Variants in CFAP299 observed in about 807,000 individuals in gnomAD.
The protein encoded by CFAP299 is cilia and flagella associated protein 299.
CFAP299 carries 21 observed loss-of-function variants against 27.0 expected under a neutral mutation model. The observed-to-expected ratio is 0.78, with a 90% CI of 0.55 to 1.12. CFAP299 has a LOEUF of 1.12. CFAP299 is among the 50% of genes most tolerant of loss of function. The pLI, the probability that CFAP299 is intolerant of heterozygous loss-of-function variation, is 0.00. For missense variants in CFAP299, 310 were observed against 276.6 expected, an observed-to-expected ratio of 1.12 and a Z score of -0.86; for synonymous variants, 104 against 98.1, an observed-to-expected ratio of 1.06 and a Z score of -0.36.
At chr4:80,924,432 T>G (rs1284403186) in intron 4 of CFAP299, among the ~76,000 whole-genome samples, 1 of 151,502 alleles carries the variant, frequency 6.6e-6, no homozygotes, top group Admixed American at 6.6e-5. Context: ...TTTGGCCTCC[T>G]GATTATTTAC....
chr4:80,951,099 A>G (rs1737752898), intron 5 of CFAP299, among the ~76,000 whole-genome samples: 1 of 152,198 alleles, frequency 6.6e-6, no homozygotes, highest in Admixed American at 6.5e-5. Flanking sequence ...AATCAATTAT[A>G]TTAAAAATAT....
intron 2 of CFAP299, among the ~76,000 whole-genome samples, chr4:80,363,813 G>A (rs1260165344): frequency 6.6e-6 from 1 of 151,992 alleles, no homozygotes; most frequent in East Asian, 1.9e-4. Context: ...TTCTGGCCAG[G>A]CGTGGTGGCT....
At chr4:80,631,859 G>GTCT (rs34615962) in intron 3 of CFAP299, among the ~76,000 whole-genome samples, 1 of 21,470 alleles carries the variant, frequency 4.7e-5, no homozygotes. Flanking sequence ...GAATATTTGT[G>GTCT]CCCCACCCCC....
intron 3 of CFAP299, among the ~76,000 whole-genome samples, chr4:80,688,115 G>A (rs1720351362): frequency 6.6e-6 from 1 of 152,252 alleles, no homozygotes. Context: ...GCTGGGGGAG[G>A]GGCGCCCGCC....
At chr4:80,368,057 T>A (rs2110005394) in intron 2 of CFAP299, among the ~76,000 whole-genome samples, 1 of 152,288 alleles carries the variant, frequency 6.6e-6, no homozygotes, top group East Asian at 1.9e-4. Context: ...GGGAAATGAA[T>A]TCACCCCTCT....
intron 2 of CFAP299, among the ~76,000 whole-genome samples, chr4:80,581,081 T>C (rs1360342201): frequency 1.3e-5 from 2 of 151,860 alleles, no homozygotes; most frequent in South Asian, 4.1e-4. Context: ...TGTTGATTTA[T>C]GTACTTGTAA....
intron 2 of CFAP299, among the ~76,000 whole-genome samples, chr4:80,373,463 C>G (rs932122920): frequency 3.9e-5 from 6 of 152,084 alleles, no homozygotes; most frequent in Non-Finnish European, 8.8e-5. Context: ...TCAACAAGTT[C>G]TTGGTCTAAA....
chr4:80,646,986 AGAGTGT>A (rs923581350), intron 3 of CFAP299, among the ~76,000 whole-genome samples: 17 of 49,124 alleles, frequency 3.5e-4, no homozygotes, highest in South Asian at 1.0e-3. Context: ...AGAGAGAGAG[AGAGTGT>A]GTGTGTGTGT....
At chr4:80,469,581 G>A (rs1400904041) in intron 2 of CFAP299, among the ~76,000 whole-genome samples, 2 of 152,060 alleles carry the variant, frequency 1.3e-5, no homozygotes, top group Non-Finnish European at 1.5e-5. Flanking sequence ...TGCCAGGTTG[G>A]GATACTAGCA....
At chr4:80,627,278 T>A (rs1738960552) in intron 3 of CFAP299, among the ~76,000 whole-genome samples, 1 of 151,892 alleles carries the variant, frequency 6.6e-6, no homozygotes, top group Non-Finnish European at 1.5e-5. Context: ...CAAAAAAATT[T>A]GGAAAAATTT....
At chr4:80,583,218 A>G in intron 3 of CFAP299, 35 bp downstream of exon 3, 1 of 1,230,320 alleles carries the variant, frequency 8.1e-7, no homozygotes, top group Non-Finnish European at 1.2e-6. Context: ...TAAAATGTAT[A>G]CACTAAATGC....
Position 80,645,422 on chromosome 4 carries a change from T to TA in CFAP299, c.333+62245dup, listed in dbSNP as rs938624001. Among the ~76,000 whole-genome samples the TA allele has an allele frequency of 3.3e-5, 5 of 152,180 alleles. No individual in the cohort carries two copies. In the South Asian group the frequency reaches 6.2e-4, roughly 19 times the overall value. ...CTACCTCTTGAGGATGCTGGGAGGA[T>TA]AAAAAAGTATCTGTTAATACTCTAC... is the stretch of plus-strand genomic sequence containing the variant. On this transcript the variant is annotated intron_variant, in intron 3 of 5. Coordinates refer to ENST00000358105, the MANE Select transcript of CFAP299 (RefSeq NM_152770.3).
At chr4:80,459,725 C>A (rs1418856792) in intron 2 of CFAP299, among the ~76,000 whole-genome samples, 1 of 152,150 alleles carries the variant, frequency 6.6e-6, no homozygotes, top group Non-Finnish European at 1.5e-5. Flanking sequence ...CACAACCAGA[C>A]ATCTGGAAAT....
chr4:80,728,302 T>C (rs1481097696), intron 3 of CFAP299, among the ~76,000 whole-genome samples: 2 of 152,152 alleles, frequency 1.3e-5, no homozygotes, highest in African/African-American at 2.4e-5. Context: ...GGTTTAACAC[T>C]TCTCATATTT....
intron 3 of CFAP299, among the ~76,000 whole-genome samples, chr4:80,614,349 C>T (rs1270907208): frequency 1.3e-5 from 2 of 152,118 alleles, no homozygotes; most frequent in African/African-American, 4.8e-5. Context: ...ACCTTGATCC[C>T]CATAGCTGTA....
intron 2 of CFAP299, chr4:80,388,056 T>A: frequency 1.5e-6 from 1 of 689,644 alleles, no homozygotes; most frequent in East Asian, 2.5e-5. Flanking sequence ...ATCTCCACCA[T>A]TCCACTCCCA....
intron 2 of CFAP299, chr4:80,386,905 T>C (rs1725040663): frequency 1.2e-6 from 1 of 844,004 alleles, no homozygotes; most frequent in Non-Finnish European, 2.1e-6. Context: ...TTGTAGGGCT[T>C]CTCGCCTGAG....
At chr4:80,448,250 A>C (rs1388865840) in intron 2 of CFAP299, among the ~76,000 whole-genome samples, 2 of 152,202 alleles carry the variant, frequency 1.3e-5, no homozygotes, top group African/African-American at 2.4e-5. Context: ...AAATGTCAGA[A>C]AATCTTAGGA....
chr4:80,535,355 CGT>C lies in CFAP299; in HGVS notation c.243-47737_243-47736del. Among the ~76,000 whole-genome samples, 2 of 72,236 alleles carry C rather than the reference CGT, an allele frequency of 2.8e-5. 1 individual carries two copies. Among genetic ancestry groups the C allele is most frequent in the South Asian group, 1.1e-3 (2 of 1,766 alleles). The allele number at this position is 72,236 out of a possible 152,430, so 47.4% of individuals were successfully genotyped here. On this transcript the variant is annotated intron_variant, in intron 2 of 5. Transcript: ENST00000358105. ...AACTGAAGAGCTTCAATTAGCCGGG[CGT>C]AGTGGCGGGCGCCTGTAGTCCCAGC...
Sources: gnomAD v4.1 joint callset for allele counts (sites outside exome capture counted in the v4.1 genomes callset) on GRCh38, gnomAD v4.1.1 for gene constraint, MANE v1.5 for transcripts, NCBI Gene and HGNC (gene_info 2026-07-23, HGNC 2026-07-21) for gene names.